PIP5K1B: variants seen among roughly 807,000 people sequenced by gnomAD.
The protein encoded by PIP5K1B is phosphatidylinositol 4-phosphate 5-kinase type-1 beta.
In PIP5K1B, 42 loss-of-function variants were observed where a neutral mutation model predicts 67.0. The observed-to-expected ratio is 0.63, with a 90% CI of 0.49 to 0.81. PIP5K1B has a LOEUF of 0.81. PIP5K1B is among the 30% of genes least tolerant of loss of function. The pLI is 0.00. For synonymous variants in PIP5K1B, 214 were observed against 231.4 expected (o/e 0.92, Z 0.68); for missense variants, 459 against 646.3 (o/e 0.71, Z 3.14).
At chr9:68,937,273 T>A (rs1827313863) in intron 13 of PIP5K1B, among the ~76,000 whole-genome samples, 1 of 152,262 alleles carries the variant, frequency 6.6e-6, no homozygotes, top group Non-Finnish European at 1.5e-5. Flanking sequence ...TATTAATTAC[T>A]GCCTCAATTT....
chr9:69,008,530 C>A lies in PIP5K1B; in HGVS notation c.*81C>A. The stretch of plus-strand genomic sequence containing the variant: ...AGAAGTTTCTCCGCACCAGAATTAT[C>A]CACAGCAACTTGGCTGAGCCCCACT... On this transcript the variant is annotated 3_prime_UTR_variant, in exon 16 of 16. Transcript: ENST00000265382. The A allele has an allele frequency of 7.2e-7, 1 of 1,392,366 alleles. No individual in the cohort carries two copies. The allele number at this position is 1,392,366 out of a possible 1,614,324, so 86.3% of individuals were successfully genotyped here.
chr9:68,784,000 C>G (rs1831461353), intron 2 of PIP5K1B: 1 of 167,180 alleles, frequency 6.0e-6, no homozygotes, highest in Non-Finnish European at 1.5e-5. Context: ...TTCGCCCTCA[C>G]TGGCTTGCCT....
rs760878403 is a variant in PIP5K1B, at chr9:68,940,628, T to C, written c.1358-18T>C. On this transcript the variant is annotated intron_variant, in intron 13 of 15. Coordinates refer to ENST00000265382, the MANE Select transcript of PIP5K1B (RefSeq NM_003558.4). The stretch of plus-strand genomic sequence containing the variant: ...TATCCTTGAGATTCATGAATGTGTG[T>C]GTTGCTTTCGTTCCTAGCCCTGGGA... 6.2e-7 allele frequency: 1 copy of C among 1,611,862 alleles called. No individual in the cohort carries two copies. The highest frequency in any genetic ancestry group is 2.2e-5 in the East Asian group (1 of 44,860).
chr9:68,988,794 C>T (rs1232208292), intron 14 of PIP5K1B, among the ~76,000 whole-genome samples: 1 of 125,452 alleles, frequency 8.0e-6, no homozygotes, highest in Non-Finnish European at 1.8e-5. Flanking sequence ...GTGAACCTTA[C>T]TTCTTAAGAT....
chr9:68,713,661 G>A (rs531870096), intron 1 of PIP5K1B, among the ~76,000 whole-genome samples: 15 of 152,266 alleles, frequency 9.9e-5, no homozygotes, highest in African/African-American at 3.4e-4. Flanking sequence ...AGAACTGTGC[G>A]GATCACAGGA....
intron 15 of PIP5K1B, among the ~76,000 whole-genome samples, chr9:69,003,244 GA>G (rs1240801812): frequency 6.6e-6 from 1 of 151,832 alleles, no homozygotes; most frequent in African/African-American, 2.4e-5. Flanking sequence ...AGCAGACCTG[GA>G]AAAAAAGAGA....
chr9:68,710,697 G>A (rs1827346741), intron 1 of PIP5K1B, among the ~76,000 whole-genome samples: 1 of 152,206 alleles, frequency 6.6e-6, no homozygotes, highest in South Asian at 2.1e-4. Context: ...AGCTGACAGT[G>A]CCTTGGTATT....
chr9:68,878,754 A>G (rs982469498), intron 6 of PIP5K1B, among the ~76,000 whole-genome samples: 8 of 152,234 alleles, frequency 5.3e-5, no homozygotes, highest in South Asian at 2.1e-4. Flanking sequence ...GAAGCAAAAC[A>G]TGAAATACTC....
intron 8 of PIP5K1B, among the ~76,000 whole-genome samples, chr9:68,897,465 T>C (rs954476620): frequency 6.6e-6 from 1 of 152,162 alleles, no homozygotes; most frequent in Admixed American, 6.5e-5. Flanking sequence ...AGAAGCTTTC[T>C]CCGGATAGGC....
chr9:68,899,373 T>C (rs912346322), intron 8 of PIP5K1B, among the ~76,000 whole-genome samples: 3 of 152,222 alleles, frequency 2.0e-5, no homozygotes, highest in Non-Finnish European at 2.9e-5. Context: ...AATCTATCTT[T>C]ATATCTACAT....
At chr9:68,866,404 CGT>C (rs963230917) in intron 5 of PIP5K1B, among the ~76,000 whole-genome samples, 41 of 150,978 alleles carry the variant, frequency 2.7e-4, no homozygotes, top group East Asian at 5.8e-4. Context: ...AAGTGATACA[CGT>C]GTGTGTGTGT....
intron 14 of PIP5K1B, among the ~76,000 whole-genome samples, chr9:68,950,967 C>T (rs909318082): frequency 6.6e-6 from 1 of 152,172 alleles, no homozygotes; most frequent in Admixed American, 6.5e-5. Flanking sequence ...CCCAGCCTCC[C>T]CACAGACAGA....
intron 2 of PIP5K1B, among the ~76,000 whole-genome samples, chr9:68,747,560 G>A (rs1378939554): frequency 6.6e-6 from 1 of 151,964 alleles, no homozygotes; most frequent in African/African-American, 2.4e-5. Context: ...ATGCAAGCAG[G>A]CAACTAATTT....
intron 14 of PIP5K1B, among the ~76,000 whole-genome samples, chr9:68,989,134 T>TG (rs1830245782): frequency 6.6e-6 from 1 of 151,420 alleles, no homozygotes; most frequent in Non-Finnish European, 1.5e-5. Context: ...ACACAATTCT[T>TG]TTAACAAGTT....
chr9:68,869,506 A>T (rs1823525163), intron 5 of PIP5K1B, among the ~76,000 whole-genome samples: 1 of 152,232 alleles, frequency 6.6e-6, no homozygotes, highest in Non-Finnish European at 1.5e-5. Flanking sequence ...ACAACAGCCC[A>T]TGGGACAGGC....
chr9:68,816,030 TA>T (rs1385315154), intron 2 of PIP5K1B, among the ~76,000 whole-genome samples: 19 of 152,308 alleles, frequency 1.2e-4, no homozygotes, highest in African/African-American at 4.3e-4. Flanking sequence ...ATCCTAAAGA[TA>T]AAAATTGTTC....
rs35143149 is a variant in PIP5K1B at position 68,948,645 on chromosome 9, C to CAAA, written c.1502+7864_1502+7866dup. On this transcript the variant is annotated intron_variant, in intron 14 of 15. Transcript: ENST00000265382. ...GGGCAACAGAGGCGAGACCTTGCCT[C>CAAA]AAAAAAAAAAAGGAACCTGCAGAAG... Among the ~76,000 whole-genome samples, 389 of 144,168 alleles carry CAAA rather than the reference C, an allele frequency of 2.7e-3. 1 individual carries two copies. The highest frequency in any genetic ancestry group is 0.014 in the Middle Eastern group (4 of 286). 94.6% of individuals were successfully genotyped at this position (144,168 alleles called of 152,430 possible).
rs555027593 is a variant in PIP5K1B at position 68,885,919 on chromosome 9, C to T, written c.319-3062C>T. Among the ~76,000 whole-genome samples, 208 of 152,318 alleles carry T rather than the reference C, an allele frequency of 1.4e-3. 1 individual carries two copies. The highest frequency in any genetic ancestry group is 4.7e-3 in the African/African-American group (195 of 41,566). ...AAATTTGGCCAGGTGCGGTGGCTCA[C>T]GCCTGTAATCCCAGCACTTTGGGAG... is the stretch of plus-strand genomic sequence containing the variant. On this transcript the variant is annotated intron_variant, in intron 6 of 15. Coordinates refer to ENST00000265382, the MANE Select transcript of PIP5K1B (RefSeq NM_003558.4).
At chr9:68,941,118 T>C in intron 14 of PIP5K1B, 1 of 479,300 alleles carries the variant, frequency 2.1e-6, no homozygotes, top group Non-Finnish European at 4.1e-6. Flanking sequence ...TTAGTTAATA[T>C]TACACAGGTA....
Sources: allele counts gnomAD v4.1 joint callset (sites outside exome capture counted in the v4.1 genomes callset), GRCh38; gene constraint gnomAD v4.1.1; transcripts MANE v1.5; gene names NCBI Gene and HGNC (gene_info 2026-07-23, HGNC 2026-07-21).